Variants in CUX2 observed in about 807,000 individuals in gnomAD.
CUX2 encodes homeobox protein cut-like 2.
A neutral mutation model predicts 144.8 loss-of-function variants in CUX2; 40 were observed. That is an observed-to-expected ratio of 0.28 (90% CI 0.21 to 0.36). CUX2 has a LOEUF of 0.36. CUX2 is among the 10% of genes least tolerant of loss of function. The pLI is 1.00. For missense variants in CUX2, 1,615 were observed against 1,994.0 expected, an observed-to-expected ratio of 0.81 and a Z score of 3.62; for synonymous variants, 827 against 875.6, an observed-to-expected ratio of 0.94 and a Z score of 0.98.
intron 4 of CUX2, among the ~76,000 whole-genome samples, chr12:111,266,714 G>C (rs1347807364): frequency 2.5e-4 from 38 of 152,214 alleles, no homozygotes; most frequent in Admixed American, 2.4e-3. Context: ...ATAAGTGTCT[G>C]TTGTTTTCAG....
At chr12:111,196,322 C>T (rs1201289960) in intron 1 of CUX2, among the ~76,000 whole-genome samples, 3 of 152,190 alleles carry the variant, frequency 2.0e-5, no homozygotes, top group South Asian at 2.1e-4. Context: ...AAAGTTTGCA[C>T]GCAGATCTTT....
Position 111,320,456 on chromosome 12 carries a change from C to T in CUX2, c.2447C>T (p.Ser816Phe). 1.3e-6 allele frequency: 2 copies of T among 1,594,060 alleles called. No homozygotes were observed. The highest frequency in any genetic ancestry group is 1.7e-6 in the Non-Finnish European group (2 of 1,176,018). ...TCCTCCTCCTCCTCCTCTGGCTACTCTGGCCAGCCCAACGGCCGCGCCTGG... is the reference window on the plus strand; with the variant it reads ...TCCTCCTCCTCCTCCTCTGGCTACTTTGGCCAGCCCAACGGCCGCGCCTGG... Reference protein sequence around the residue: ...SLSSSSSSGYSGQPNGRAWPR... With the variant: ...SLSSSSSSGYFGQPNGRAWPR... Residue 816 changes from serine to phenylalanine, a missense_variant, in exon 17 of 22, where the codon TCT becomes TTT. Ser to Phe is a radical substitution (Grantham distance 155). Around this residue, in one of 12 missense-constraint regions of CUX2, gnomAD observed 390 missense variants for 387.1 expected, o/e 1.01. Coordinates refer to ENST00000261726, the MANE Select transcript of CUX2 (RefSeq NM_015267.4). This position sits in a 1 kb window ranked among gnomAD's most constrained non-coding sequence, Gnocchi z 8.1.
At chr12:111,269,644 C>G (rs1415667945) in intron 4 of CUX2, among the ~76,000 whole-genome samples, 1 of 152,144 alleles carries the variant, frequency 6.6e-6, no homozygotes, top group Non-Finnish European at 1.5e-5. Flanking sequence ...TACGGCCCCC[C>G]ACTTGGAAAC....
intron 1 of CUX2, among the ~76,000 whole-genome samples, chr12:111,104,922 T>A (rs1268534409): frequency 6.6e-6 from 1 of 151,976 alleles, no homozygotes; most frequent in Admixed American, 6.5e-5. Flanking sequence ...AGGACAGGGA[T>A]AGGGAGGGGA....
chr12:111,141,609 G>A (rs531950899), intron 1 of CUX2, among the ~76,000 whole-genome samples: 1 of 152,214 alleles, frequency 6.6e-6, no homozygotes, highest in Admixed American at 6.5e-5. Context: ...TTTTCCCCCA[G>A]GTCACACAGC....
intron 3 of CUX2, among the ~76,000 whole-genome samples, chr12:111,232,612 C>T (rs1380770575): frequency 6.6e-6 from 1 of 152,190 alleles, no homozygotes; most frequent in Non-Finnish European, 1.5e-5. Context: ...ATTTTGGTAT[C>T]CTCAGGGTGT....
At chr12:111,303,098 G>A (rs535731447) in intron 9 of CUX2, among the ~76,000 whole-genome samples, 83 of 150,944 alleles carry the variant, frequency 5.5e-4, no homozygotes, top group Non-Finnish European at 1.1e-3. Context: ...GTGCACACCT[G>A]TAATCCCAGT....
intron 14 of CUX2, 95 bp downstream of exon 14, chr12:111,308,621 C>A: frequency 1.9e-6 from 2 of 1,041,032 alleles, no homozygotes; most frequent in Non-Finnish European, 2.9e-6. Flanking sequence ...GCCTTCCATG[C>A]AGGCAGGAGA....
At chr12:111,268,872 A>C (rs76721774) in intron 4 of CUX2, among the ~76,000 whole-genome samples, 1,665 of 152,000 alleles carry the variant, frequency 0.011, 15 homozygotes, top group Non-Finnish European at 0.017. Flanking sequence ...CCCTGTACAG[A>C]CCCCAGAGAT....
intron 1 of CUX2, among the ~76,000 whole-genome samples, chr12:111,048,752 G>A (rs1224856621): frequency 6.6e-6 from 1 of 152,216 alleles, no homozygotes; most frequent in Non-Finnish European, 1.5e-5. Context: ...CAGGTATTCT[G>A]TCCCAGGGGG....
intron 1 of CUX2, among the ~76,000 whole-genome samples, chr12:111,213,325 G>C (rs1364328305): frequency 6.6e-6 from 1 of 152,186 alleles, no homozygotes; most frequent in Admixed American, 6.5e-5. Context: ...TACTCCCCTT[G>C]TGAAACTGCC....
In CUX2 at chr12:111,077,659, G is replaced by A. The variant is rs773341685; in HGVS notation, c.63+43419G>A. ...GCCAAACACCTGACTCACTCAATAAGCGTTGCATTGTGGAGACAGGATGGA... is the reference window on the plus strand; with the variant it reads ...GCCAAACACCTGACTCACTCAATAAACGTTGCATTGTGGAGACAGGATGGA... On this transcript the variant is annotated intron_variant, in intron 1 of 21. Coordinates refer to ENST00000261726, the MANE Select transcript of CUX2 (RefSeq NM_015267.4). The surrounding 1 kb of genome is among the most constrained non-coding windows in gnomAD (Gnocchi z 4.1). 3.3e-5 allele frequency among the ~76,000 whole-genome samples: 5 copies of A among 152,178 alleles called. No homozygotes were observed. The highest frequency in any genetic ancestry group is 1.2e-4 in the African/African-American group (5 of 41,436).
Position 111,295,344 on chromosome 12 carries a change from A to T in CUX2, c.572A>T (p.Glu191Val). The T allele has an allele frequency of 6.2e-7, 1 of 1,613,038 alleles. No homozygotes were observed. Among genetic ancestry groups the T allele is most frequent in the Non-Finnish European group, 8.5e-7 (1 of 1,179,610 alleles). The change falls in exon 7 of 22, where the codon GAA becomes GTA. Residue 191 changes from glutamate to valine, a missense_variant. Transcript: ENST00000261726. This position sits in a 1 kb window ranked among gnomAD's most constrained non-coding sequence, Gnocchi z 5.0. ...NEAEKQKGLQ[E>V]VQITLAARLG... ...TCGTCTCTCCGCAGGGGCCTTCAAG[A>T]AGTACAGATCACTTTGGCGGCCAGA...
chr12:111,143,810 G>T lies in CUX2; in HGVS notation c.64-70390G>T, dbSNP rs185059811. On this transcript the variant is annotated intron_variant, in intron 1 of 21. Coordinates refer to ENST00000261726, the MANE Select transcript of CUX2 (RefSeq NM_015267.4). ...TGGGCCATCTGGGGTGTGTGGGGGG[G>T]TTTTTTTCTTGGAAGCTCTGGGGAC... Among the ~76,000 whole-genome samples, 561 of 152,260 alleles carry T rather than the reference G, an allele frequency of 3.7e-3. 2 individuals carry two copies. The highest frequency in any genetic ancestry group is 0.012 in the African/African-American group (510 of 41,554).
intron 20 of CUX2, chr12:111,339,574 G>A (rs1163866291): frequency 6.6e-6 from 1 of 152,248 alleles, no homozygotes; most frequent in Non-Finnish European, 1.5e-5. Flanking sequence ...GCTAAGCCGA[G>A]TCAGGCCTGG....
intron 1 of CUX2, chr12:111,099,733 CTG>C: frequency 2.2e-6 from 1 of 456,010 alleles, no homozygotes; most frequent in Non-Finnish European, 4.4e-6. Context: ...GGCGCCGAAA[CTG>C]GGGCCTGCAC....
chr12:111,116,232 G>A (rs548871477), intron 1 of CUX2, among the ~76,000 whole-genome samples: 1 of 152,338 alleles, frequency 6.6e-6, no homozygotes, highest in East Asian at 1.9e-4. Flanking sequence ...AACGAAAGAT[G>A]TTGCTTTCAC....
intron 2 of CUX2, among the ~76,000 whole-genome samples, chr12:111,214,697 CG>C (rs1881434347): frequency 1.3e-5 from 2 of 152,162 alleles, no homozygotes; most frequent in South Asian, 4.1e-4. Context: ...AACACCCTCT[CG>C]GGGCCTGCCG....
chr12:111,335,290 G>A (rs992800581), intron 19 of CUX2, among the ~76,000 whole-genome samples: 1 of 152,130 alleles, frequency 6.6e-6, no homozygotes, highest in Admixed American at 6.6e-5. Flanking sequence ...CTACTTGGGA[G>A]GCTGAGGCAG....
Sources: gnomAD v4.1 joint callset for allele counts (sites outside exome capture counted in the v4.1 genomes callset) on GRCh38, gnomAD v4.1.1 for gene constraint, gnomAD v4.1.1 regional missense constraint, Gnocchi (gnomAD v3.1) non-coding constraint, MANE v1.5 for transcripts, NCBI Gene and HGNC (gene_info 2026-07-23, HGNC 2026-07-21) for gene names.